Variants in NMNAT1 observed in about 807,000 individuals in gnomAD.
NMNAT1 encodes nicotinamide nucleotide adenylyltransferase 1, also known as nicotinamide/nicotinic acid mononucleotide adenylyltransferase 1.
In NMNAT1, 11 loss-of-function variants were observed where a neutral mutation model predicts 16.7. The ratio of observed to expected loss-of-function variants is 0.66; its 90% CI spans 0.41 to 1.09. NMNAT1 has a LOEUF of 1.09. Ranked by LOEUF, NMNAT1 falls within the 50% of genes least tolerant of loss-of-function variation. The probability of loss-of-function intolerance (pLI) is 0.00; values close to 1 mark genes in which losing one functional copy is unlikely to be tolerated. For missense variants in NMNAT1, 280 were observed against 332.3 expected, an observed-to-expected ratio of 0.84 and a Z score of 1.22; for synonymous variants, 110 against 119.8, an observed-to-expected ratio of 0.92 and a Z score of 0.53.
At chr1:9,987,426 G>T (rs1642058859), downstream of NMNAT1, among the ~76,000 whole-genome samples, 2 of 151,870 alleles carry the variant, frequency 1.3e-5, no homozygotes, top group South Asian at 4.1e-4. Flanking sequence ...AGATCACAAG[G>T]TCAGGAGATC....
chr1:9,974,621 C>T (rs921202205), intron 2 of NMNAT1, among the ~76,000 whole-genome samples: 1 of 152,136 alleles, frequency 6.6e-6, no homozygotes, highest in East Asian at 1.9e-4. Flanking sequence ...ATCTCCTGAC[C>T]TCGTGATCCA....
chr1:9,994,046 G>C, the NMNAT1 span, among the ~76,000 whole-genome samples: 1 of 150,148 alleles, frequency 6.7e-6, no homozygotes, highest in Non-Finnish European at 1.5e-5. Flanking sequence ...ATAACTATTG[G>C]AGAAGTAGGA....
intron 3 of NMNAT1, among the ~76,000 whole-genome samples, chr1:9,980,198 C>T (rs184973910): frequency 6.6e-6 from 1 of 152,070 alleles, no homozygotes; most frequent in East Asian, 2.0e-4. Flanking sequence ...TCCCAAAGTG[C>T]TGGGATTACA....
intron 1 of NMNAT1, among the ~76,000 whole-genome samples, chr1:9,964,191 C>T (rs564765670): frequency 4.6e-5 from 7 of 151,654 alleles, no homozygotes; most frequent in African/African-American, 7.2e-5. Context: ...CACACCGGGC[C>T]GAAAGTATTT....
chr1:9,981,029 A>G lies in NMNAT1; in HGVS notation c.300-2A>G. On this transcript the variant is annotated splice_acceptor_variant, in intron 3 of 4. Coordinates refer to ENST00000377205, the MANE Select transcript of NMNAT1 (RefSeq NM_022787.4). LOFTEE classifies it high-confidence loss of function. ...ATATTCTATTGTTTTGTTGTTTTAT[A>G]GACACCATCAAGAGAAATTGGAGGC... 1 of 1,600,906 alleles carries G rather than the reference A, an allele frequency of 6.2e-7. No homozygotes were observed. Among genetic ancestry groups the G allele is most frequent in the Non-Finnish European group, 8.5e-7 (1 of 1,176,702 alleles).
intron 1 of NMNAT1, among the ~76,000 whole-genome samples, chr1:9,965,679 A>C (rs1641526108): frequency 1.3e-5 from 2 of 152,118 alleles, no homozygotes; most frequent in Admixed American, 6.6e-5. Flanking sequence ...CTGGGATTAC[A>C]GGTGTGAGCA....
intron 1 of NMNAT1, among the ~76,000 whole-genome samples, chr1:9,958,443 GTT>G (rs766788344): frequency 2.1e-5 from 3 of 139,634 alleles, no homozygotes; most frequent in Admixed American, 7.2e-5. Flanking sequence ...GTTTTGTTTT[GTT>G]TTTTTTTTTT....
At chr1:9,966,731 C>T (rs1188039698) in intron 1 of NMNAT1, among the ~76,000 whole-genome samples, 1 of 151,994 alleles carries the variant, frequency 6.6e-6, no homozygotes, top group African/African-American at 2.4e-5. Context: ...AGGTTCTGTA[C>T]AATGAATGAA....
chr1:9,976,286 CAAAAA>C (rs554511251), intron 3 of NMNAT1, among the ~76,000 whole-genome samples: 2 of 58,542 alleles, frequency 3.4e-5, no homozygotes, highest in African/African-American at 7.0e-5. Context: ...GACTCCATCT[CAAAAA>C]AAAAAAAAAA....
chr1:9,996,789 GAGGTGCGAATCACTGTGATTCCT>G, the NMNAT1 span, among the ~76,000 whole-genome samples: 2 of 152,100 alleles, frequency 1.3e-5, no homozygotes, highest in South Asian at 2.1e-4. Context: ...CGGCGTTACC[GAGGTGCGAATCACTGTGATTCCT>G]AGGTGCGAAT....
the NMNAT1 span, among the ~76,000 whole-genome samples, chr1:9,993,520 G>A: frequency 6.6e-6 from 1 of 151,980 alleles, no homozygotes; most frequent in Non-Finnish European, 1.5e-5. Context: ...CAATACTGAA[G>A]GGCTGTAAGC....
chr1:9,981,131 G>T lies in NMNAT1; in HGVS notation c.400G>T (p.Asp134Tyr). The change falls in exon 4 of 5, where the codon GAT (aspartate) becomes TAT (tyrosine). Residue 134 changes from aspartate (D) to tyrosine (Y), a missense_variant. Coordinates refer to ENST00000377205, the MANE Select transcript of NMNAT1 (RefSeq NM_022787.4). ...GRKRKWTETQ[D>Y]SSQKKSLEPK... ...GAAGAGGAAGTGGACTGAAACACAA[G>T]ATTCTAGTCAAAAGAAATCCCTAGA... 1.2e-6 allele frequency: 2 copies of T among 1,613,514 alleles called. No individual in the cohort carries two copies. Among genetic ancestry groups the T allele is most frequent in the Non-Finnish European group, 1.7e-6 (2 of 1,179,818 alleles).
In NMNAT1 at chr1:9,972,010, C is replaced by T; in HGVS notation, c.-56-8C>T. 9.3e-6 allele frequency: 8 copies of T among 858,666 alleles called. No homozygotes were observed. Among genetic ancestry groups the T allele is most frequent in the African/African-American group, 3.4e-5 (2 of 59,204 alleles). 53.2% of individuals were successfully genotyped at this position (858,666 alleles called of 1,614,324 possible). On this transcript the variant is annotated splice_region_variant and splice_polypyrimidine_tract_variant and intron_variant, in intron 1 of 4. Coordinates refer to ENST00000377205, the MANE Select transcript of NMNAT1 (RefSeq NM_022787.4). ...CATAACTGAATTTATTTTCTTTTTC[C>T]TTTGTAGACAACAAGGGAGGTGTCA... is the stretch of plus-strand genomic sequence containing the variant.
chr1:9,964,821 A>G (rs9943169), intron 1 of NMNAT1, among the ~76,000 whole-genome samples: 118,123 of 149,612 alleles, frequency 0.79, 49,036 homozygotes, highest in Non-Finnish European at 0.92. Context: ...GGTGACGCAC[A>G]CCTGTAGTCC....
downstream of NMNAT1, among the ~76,000 whole-genome samples, chr1:9,985,808 G>A (rs111839815): frequency 7.5e-3 from 1,139 of 152,268 alleles, 17 homozygotes; most frequent in African/African-American, 0.026. Context: ...GATTACAGGC[G>A]TGTGTTACCA....
At chr1:9,958,001 A>G (rs932602225) in intron 1 of NMNAT1, among the ~76,000 whole-genome samples, 1 of 152,164 alleles carries the variant, frequency 6.6e-6, no homozygotes, top group Non-Finnish European at 1.5e-5. Flanking sequence ...ATTGTCTCCT[A>G]TTTAATGGCT....
At chr1:9,956,196 GTT>G (rs1641255773) in intron 1 of NMNAT1, among the ~76,000 whole-genome samples, 1 of 145,542 alleles carries the variant, frequency 6.9e-6, no homozygotes, top group Admixed American at 6.9e-5. Flanking sequence ...TTGAGACAGA[GTT>G]TTACTTTGTC....
intron 1 of NMNAT1, among the ~76,000 whole-genome samples, chr1:9,971,781 A>C (rs543224218): frequency 6.6e-6 from 1 of 152,064 alleles, no homozygotes; most frequent in Non-Finnish European, 1.5e-5. Flanking sequence ...TGGGCAACAT[A>C]GCAAGACCCC....
the NMNAT1 span, among the ~76,000 whole-genome samples, chr1:9,991,255 A>G: frequency 6.7e-6 from 1 of 149,806 alleles, no homozygotes; most frequent in Non-Finnish European, 1.5e-5. Context: ...GTGCAATCTC[A>G]GCTCACTGCA....
Sources: allele counts gnomAD v4.1 joint callset (sites outside exome capture counted in the v4.1 genomes callset), GRCh38; gene constraint gnomAD v4.1.1; transcripts MANE v1.5; gene names NCBI Gene and HGNC (gene_info 2026-07-23, HGNC 2026-07-21).